RGS22: variants seen among roughly 807,000 people sequenced by gnomAD.
RGS22 encodes regulator of G-protein signaling 22.
Under a neutral mutation model 172.9 loss-of-function variants are expected in RGS22, and 148 were observed. That is an observed-to-expected ratio of 0.86 (90% confidence interval 0.75 to 0.98). The LOEUF is 0.98. Among genes scored for constraint, RGS22 ranks in the 50% least tolerant of loss-of-function variants. The pLI, the probability that RGS22 is intolerant of heterozygous loss-of-function variation, is 0.00. For synonymous variants in RGS22, 458 were observed against 480.2 expected, an observed-to-expected ratio of 0.95 and a Z score of 0.60; for missense variants, 1,347 against 1,440.8, an observed-to-expected ratio of 0.93 and a Z score of 1.05.
intron 14 of RGS22, among the ~76,000 whole-genome samples, chr8:100,029,952 G>A (rs1818615293): frequency 6.6e-6 from 1 of 152,132 alleles, no homozygotes; most frequent in South Asian, 2.1e-4. Flanking sequence ...ATAGCAGAAT[G>A]AAATCTGAAG....
Position 100,003,950 on chromosome 8 carries a change from T to C in RGS22, c.2603A>G (p.Gln868Arg). The stretch of plus-strand genomic sequence containing the variant: ...CCTTGAAGAATGAGTCTCAAGAAAC[T>C]GACGGAAATGTTCAAACTCCAGTTT... ...NNKLEFEHFRQFLETHSSSMD... is the reference protein window; with the variant it reads ...NNKLEFEHFRRFLETHSSSMD... The change falls in exon 17 of 28, where the codon CAG becomes CGG. Residue 868 changes from glutamine to arginine, a missense_variant. Physicochemically the swap from Gln to Arg is conservative, Grantham distance 43. Transcript: ENST00000360863. 6.2e-7 allele frequency: 1 copy of C among 1,608,122 alleles called. No homozygotes were observed. Among genetic ancestry groups the C allele is most frequent in the South Asian group, 1.1e-5 (1 of 90,050 alleles).
Position 100,105,343 on chromosome 8 carries a change from GA to G in RGS22, c.54+30del, listed in dbSNP as rs773240167. The G allele has an allele frequency of 1.3e-5, 20 of 1,574,154 alleles. No individual in the cohort carries two copies. In the African/African-American group the frequency reaches 2.0e-4, roughly 16 times the overall value. On this transcript the variant is annotated intron_variant, in intron 2 of 27. Coordinates refer to ENST00000360863, the MANE Select transcript of RGS22 (RefSeq NM_015668.5). ...ATTTGCTATTTTTTTAAAGGCCAAA[GA>G]AAAAAATAGCCCCTTGAAATGATAC...
intron 21 of RGS22, 116 bp downstream of exon 21, chr8:99,987,342 A>G (rs1248402548): frequency 4.5e-6 from 3 of 669,008 alleles, no homozygotes; most frequent in East Asian, 5.5e-5. Context: ...TAGGAAGAAG[A>G]TAGCAAAATT....
At chr8:100,033,539 C>CAAA (rs71572052) in intron 14 of RGS22, among the ~76,000 whole-genome samples, 2 of 138,948 alleles carry the variant, frequency 1.4e-5, no homozygotes, top group Non-Finnish European at 1.6e-5. Flanking sequence ...GCCTACCAAC[C>CAAA]AAAAAAAAAA....
intron 9 of RGS22, among the ~76,000 whole-genome samples, chr8:100,053,385 G>A (rs992387703): frequency 7.5e-5 from 11 of 146,972 alleles, no homozygotes; most frequent in African/African-American, 2.8e-4. Flanking sequence ...TTGTGCCATT[G>A]CACTCCAGCC....
intron 2 of RGS22, among the ~76,000 whole-genome samples, chr8:100,098,180 T>C (rs903492419): frequency 1.3e-5 from 2 of 152,216 alleles, no homozygotes; most frequent in African/African-American, 2.4e-5. Context: ...ATCCACTGGA[T>C]TGTGAACTGG....
At position 100,034,859 on chromosome 8, in the gene RGS22, G is replaced by C. The variant is rs374468809; in HGVS notation, c.2166+4072C>G. On this transcript the variant is annotated intron_variant, in intron 14 of 27. Transcript: ENST00000360863. ...CTGACAAAAACAAGAAATGGGGAAA[G>C]GATTCCCTATTTAATAAATGGTGCT... Among the ~76,000 whole-genome samples, 61 of 152,216 alleles carry C rather than the reference G, an allele frequency of 4.0e-4. 1 individual carries two copies. Among genetic ancestry groups the C allele is most frequent in the Admixed American group, 1.8e-3 (28 of 15,282 alleles).
At chr8:99,987,088 T>C (rs1813177246) in intron 21 of RGS22, among the ~76,000 whole-genome samples, 1 of 152,194 alleles carries the variant, frequency 6.6e-6, no homozygotes, top group African/African-American at 2.4e-5. Flanking sequence ...ATTTGTATTA[T>C]ACCTACTGGT....
At chr8:100,039,060 T>C (rs1819818461) in intron 13 of RGS22, 28 bp from the exon 14 acceptor site, 1 of 1,290,508 alleles carries the variant, frequency 7.7e-7, no homozygotes, top group Non-Finnish European at 1.1e-6. Context: ...ACATAAATTA[T>C]TACCACCCAA....
At chr8:100,004,330 T>C (rs1815445047) in intron 16 of RGS22, among the ~76,000 whole-genome samples, 1 of 152,156 alleles carries the variant, frequency 6.6e-6, no homozygotes, top group Non-Finnish European at 1.5e-5. Flanking sequence ...AAATGTTTAG[T>C]AAATATTTAC....
chr8:100,004,829 A>G (rs1815508929), intron 16 of RGS22, among the ~76,000 whole-genome samples: 1 of 151,472 alleles, frequency 6.6e-6, no homozygotes, highest in Non-Finnish European at 1.5e-5. Context: ...ATATAATATA[A>G]ATATAATCGC....
chr8:99,972,382 A>G (rs1811456340), intron 23 of RGS22, among the ~76,000 whole-genome samples: 1 of 152,268 alleles, frequency 6.6e-6, no homozygotes, highest in Admixed American at 6.5e-5. Context: ...AACTGCAACA[A>G]AAGCCAAAAA....
intron 2 of RGS22, among the ~76,000 whole-genome samples, chr8:100,103,543 C>T (rs780165515): frequency 2.0e-5 from 3 of 152,196 alleles, no homozygotes; most frequent in Admixed American, 6.5e-5. Context: ...TTGACACGGA[C>T]ATTCAGATGA....
chr8:99,973,280 A>T (rs1169879052), intron 23 of RGS22, among the ~76,000 whole-genome samples: 1 of 152,202 alleles, frequency 6.6e-6, no homozygotes, highest in Non-Finnish European at 1.5e-5. Context: ...CCCATCAATG[A>T]TAGACTGGAT....
intron 14 of RGS22, among the ~76,000 whole-genome samples, chr8:100,035,829 A>C (rs1380344858): frequency 6.6e-6 from 1 of 152,146 alleles, no homozygotes; most frequent in Non-Finnish European, 1.5e-5. Flanking sequence ...GAAGCTGGAA[A>C]CCATCATTCT....
chr8:100,030,402 T>C (rs1487239139), intron 14 of RGS22, among the ~76,000 whole-genome samples: 1 of 152,228 alleles, frequency 6.6e-6, no homozygotes, highest in African/African-American at 2.4e-5. Context: ...AAAAGTTAAC[T>C]GTAAAACAGG....
rs935825961 is a variant in RGS22 at position 100,100,521 on chromosome 8, C to T, written c.54+4853G>A. Among the ~76,000 whole-genome samples, 11 of 152,128 alleles carry T rather than the reference C, an allele frequency of 7.2e-5. No homozygotes were observed. The East Asian group carries it at 1.5e-3, about 21-fold the overall frequency. On this transcript the variant is annotated intron_variant, in intron 2 of 27. Coordinates refer to ENST00000360863, the MANE Select transcript of RGS22 (RefSeq NM_015668.5). ...GCCAGGCTGGTCTCGAACTCCTGAC[C>T]TCAGGTGATCTGCCTGCGACGGCCT...
intron 4 of RGS22, among the ~76,000 whole-genome samples, chr8:100,074,724 C>T (rs1237172437): frequency 2.0e-5 from 3 of 151,828 alleles, no homozygotes; most frequent in African/African-American, 7.3e-5. Context: ...CAACTATAGA[C>T]GTTTACATGC....
intron 2 of RGS22, among the ~76,000 whole-genome samples, chr8:100,093,778 T>G (rs1812763653): frequency 6.6e-6 from 1 of 152,020 alleles, no homozygotes. Flanking sequence ...ACAGAACACA[T>G]GAAAAATATA....
Sources: allele counts gnomAD v4.1 joint callset (sites outside exome capture counted in the v4.1 genomes callset), GRCh38; gene constraint gnomAD v4.1.1; transcripts MANE v1.5; gene names NCBI Gene and HGNC (gene_info 2026-07-23, HGNC 2026-07-21).